Variants in GRAMD1B observed in about 807,000 individuals in gnomAD.
GRAMD1B encodes GRAM domain containing 1B.
GRAMD1B carries 37 observed loss-of-function variants against 99.7 expected under a neutral mutation model. That is an observed-to-expected ratio of 0.37 (90% CI 0.29 to 0.49). The LOEUF (loss-of-function observed/expected upper bound fraction) is 0.49, where lower values mean the gene tolerates loss of function less well. Ranked by LOEUF, GRAMD1B falls within the 20% of genes least tolerant of loss-of-function variation. The pLI is 0.98. For missense variants in GRAMD1B, 888 were observed against 1,009.2 expected (o/e 0.88, Z 1.63); for synonymous variants, 427 against 387.6 (o/e 1.10, Z -1.19).
At position 123,431,181 on chromosome 11, in the gene GRAMD1B, C is replaced by T. The variant is rs1375187378; in HGVS notation, c.374+15C>T. On this transcript the variant is annotated intron_variant, in intron 1 of 19. Coordinates refer to ENST00000635736, the MANE Select transcript of GRAMD1B (RefSeq NM_001387025.1). The stretch of plus-strand genomic sequence containing the variant: ...AGTGAAAGCAGGTACGTCCCCGTTC[C>T]GCCCGTCTCCTTCCCTTCCCTCCCG... The T allele has an allele frequency of 1.4e-5, 10 of 690,028 alleles. No individual in the cohort carries two copies. Among genetic ancestry groups the T allele is most frequent in the Non-Finnish European group, 2.6e-5 (10 of 377,456 alleles). The allele number at this position is 690,028 out of a possible 1,614,324, so 42.7% of individuals were successfully genotyped here.
intron 14 of GRAMD1B, among the ~76,000 whole-genome samples, chr11:123,612,113 A>ATCTCACTCTCTTCCCCAGGC (rs1565464574): frequency 2.6e-5 from 4 of 151,398 alleles, no homozygotes; most frequent in Non-Finnish European, 5.9e-5. Flanking sequence ...CTGAGACAGG[A>ATCTCACTCTCTTCCCCAGGC]TCTCACTCTC....
At chr11:123,502,622 A>G (rs1421288524) in intron 2 of GRAMD1B, among the ~76,000 whole-genome samples, 4 of 152,166 alleles carry the variant, frequency 2.6e-5, no homozygotes, top group African/African-American at 7.2e-5. Flanking sequence ...TAAAAATACA[A>G]AAATTAGCCA....
At chr11:123,511,082 T>A (rs1940960624) in intron 2 of GRAMD1B, among the ~76,000 whole-genome samples, 1 of 152,130 alleles carries the variant, frequency 6.6e-6, no homozygotes, top group African/African-American at 2.4e-5. Context: ...ACTCTCTCTC[T>A]CTCTCTCTGT....
In GRAMD1B at chr11:123,402,794, C is replaced by G. The variant is rs1465336692; in HGVS notation, c.-176+43995C>G. Among the ~76,000 whole-genome samples, 6 of 152,076 alleles carry G rather than the reference C, an allele frequency of 3.9e-5. No individual in the cohort carries two copies. In the South Asian group the frequency reaches 1.0e-3, roughly 26 times the overall value. Reference sequence around the variant, plus strand: ...TAAAGGTGGTTTTAATACTCTCGCTCTCTCTCTTTTATTATTATTATTATT... The same window carrying G: ...TAAAGGTGGTTTTAATACTCTCGCTGTCTCTCTTTTATTATTATTATTATT... On this transcript the variant is annotated intron_variant, in intron 1 of 20. Coordinates refer to the GRAMD1B transcript ENST00000638157.
chr11:123,591,519 A>G lies in GRAMD1B; in HGVS notation c.685-2563A>G, dbSNP rs1484747420. 2.5e-6 allele frequency: 1 copy of G among 398,866 alleles called. No individual in the cohort carries two copies. Among genetic ancestry groups the G allele is most frequent in the African/African-American group, 2.1e-5 (1 of 48,622 alleles). 24.7% of individuals were successfully genotyped at this position (398,866 alleles called of 1,614,324 possible). A position where few individuals can be genotyped will look rare whatever the true frequency, so the allele number is the denominator to read the frequency against. ...GCTGCCGCTGAACACCGTTGCTGGC[A>G]CGGATCTGAGGAAATCCCAGCCGTG... On this transcript the variant is annotated intron_variant, in intron 4 of 19. Coordinates refer to ENST00000635736, the MANE Select transcript of GRAMD1B (RefSeq NM_001387025.1). This position sits in a 1 kb window ranked among gnomAD's most constrained non-coding sequence, Gnocchi z 4.7.
intron 7 of GRAMD1B, chr11:123,598,121 G>A (rs1951511335): frequency 1.9e-6 from 3 of 1,590,874 alleles, no homozygotes; most frequent in Non-Finnish European, 2.6e-6. Context: ...AAAGTGAGCA[G>A]TGTTTGGGAT....
intron 2 of GRAMD1B, among the ~76,000 whole-genome samples, chr11:123,566,931 A>G (rs1427597433): frequency 6.6e-6 from 1 of 152,240 alleles, no homozygotes; most frequent in Admixed American, 6.5e-5. Context: ...AAGCAAGGAA[A>G]AAACAACAAC....
intron 1 of GRAMD1B, among the ~76,000 whole-genome samples, chr11:123,411,093 C>A (rs1948033029): frequency 6.6e-6 from 1 of 151,928 alleles, no homozygotes; most frequent in South Asian, 2.1e-4. Flanking sequence ...CAAGCTCCAC[C>A]TCCCGGGTTC....
chr11:123,359,821 A>C (rs1352503195), intron 1 of GRAMD1B, among the ~76,000 whole-genome samples: 1 of 152,184 alleles, frequency 6.6e-6, no homozygotes, highest in East Asian at 1.9e-4. Flanking sequence ...TAAAACTCCC[A>C]CTACTCTGGG....
chr11:123,440,263 C>A (rs1003303306), intron 1 of GRAMD1B, among the ~76,000 whole-genome samples: 1 of 152,196 alleles, frequency 6.6e-6, no homozygotes, highest in Non-Finnish European at 1.5e-5. Flanking sequence ...GTAATCCTAG[C>A]ACTTTGGGAG....
intron 2 of GRAMD1B, among the ~76,000 whole-genome samples, chr11:123,533,579 A>G (rs1460661537): frequency 6.6e-6 from 1 of 152,072 alleles, no homozygotes; most frequent in Non-Finnish European, 1.5e-5. Context: ...GGCGCCAGCT[A>G]CCATGCCAGG....
chr11:123,609,413 A>G (rs1378568578), intron 12 of GRAMD1B, among the ~76,000 whole-genome samples: 1 of 152,130 alleles, frequency 6.6e-6, no homozygotes, highest in South Asian at 2.1e-4. Context: ...GTGTGCCAAG[A>G]GGAGAGGGCA....
chr11:123,578,285 G>T (rs1351094620), intron 3 of GRAMD1B: 3 of 770,708 alleles, frequency 3.9e-6, no homozygotes, highest in East Asian at 2.7e-5. Flanking sequence ...CTGGGAAGGG[G>T]TTGGGGACCC....
chr11:123,528,970 A>C lies in GRAMD1B; in HGVS notation c.452+48077A>C, dbSNP rs182947985. 3.1e-3 allele frequency among the ~76,000 whole-genome samples: 470 copies of C among 152,358 alleles called. 2 individuals carry two copies. The highest frequency in any genetic ancestry group is 0.011 in the African/African-American group (447 of 41,584). On this transcript the variant is annotated intron_variant, in intron 2 of 19. Transcript: ENST00000635736. ...CACGCAACAGCATGGTGTGTCAGTCAGGCCTTCTTTCCCAGAGAGCAGGCT... is the reference window on the plus strand; with the variant it reads ...CACGCAACAGCATGGTGTGTCAGTCCGGCCTTCTTTCCCAGAGAGCAGGCT...
At chr11:123,473,382 A>G (rs912022040) in intron 1 of GRAMD1B, among the ~76,000 whole-genome samples, 2 of 152,072 alleles carry the variant, frequency 1.3e-5, no homozygotes, top group African/African-American at 2.4e-5. Flanking sequence ...CTTAACTCCC[A>G]TATCACCAGT....
Position 123,597,829 on chromosome 11 carries a change from G to A in GRAMD1B, c.969+1792G>A, listed in dbSNP as rs1409841846. The stretch of plus-strand genomic sequence containing the variant: ...CCTTGTTTCTACAAGTTGCATGCTA[G>A]ACCATGAAACTAAGTAGCAAAAGGT... On this transcript the variant is annotated intron_variant, in intron 7 of 19. Coordinates refer to ENST00000635736, the MANE Select transcript of GRAMD1B (RefSeq NM_001387025.1). 9 of 657,800 alleles carry A rather than the reference G, an allele frequency of 1.4e-5. 1 individual carries two copies. In the Middle Eastern group the frequency reaches 1.3e-3, roughly 94 times the overall value. 40.7% of individuals were successfully genotyped at this position (657,800 alleles called of 1,614,324 possible). A position where few individuals can be genotyped will look rare whatever the true frequency, so the allele number is the denominator to read the frequency against.
chr11:123,436,836 T>A (rs1257502345), intron 1 of GRAMD1B, among the ~76,000 whole-genome samples: 1 of 152,166 alleles, frequency 6.6e-6, no homozygotes, highest in African/African-American at 2.4e-5. Flanking sequence ...ATGTGCCATG[T>A]TGGTGTGCTG....
At chr11:123,598,597 A>G in intron 7 of GRAMD1B, 4 of 1,524,754 alleles carry the variant, frequency 2.6e-6, no homozygotes, top group South Asian at 2.2e-5. Flanking sequence ...TTGGTGCTGA[A>G]TAGTCTCTGG....
At chr11:123,603,573 C>A in intron 9 of GRAMD1B, 32 bp downstream of exon 9, 2 of 1,335,396 alleles carry the variant, frequency 1.5e-6, no homozygotes, top group Non-Finnish European at 2.2e-6. Context: ...TGCCCAGAGG[C>A]AGCCGTGCGA....
Sources: allele counts gnomAD v4.1 joint callset (sites outside exome capture counted in the v4.1 genomes callset), GRCh38; gene constraint gnomAD v4.1.1; non-coding constraint Gnocchi (gnomAD v3.1); transcripts MANE v1.5; gene names NCBI Gene and HGNC (gene_info 2026-07-23, HGNC 2026-07-21).